Variants in UBE2G1 observed in about 807,000 individuals in gnomAD.
UBE2G1 encodes the protein ubiquitin-conjugating enzyme E2 G1.
A neutral mutation model predicts 22.7 loss-of-function variants in UBE2G1; 5 were observed. That is an observed-to-expected ratio of 0.22 (90% CI 0.12 to 0.46). The LOEUF (loss-of-function observed/expected upper bound fraction) is 0.46, where lower values mean the gene tolerates loss of function less well. Ranked by LOEUF, UBE2G1 falls within the 20% of genes least tolerant of loss-of-function variation. UBE2G1 has a pLI of 0.99. For synonymous variants in UBE2G1, 74 were observed against 67.5 expected, an observed-to-expected ratio of 1.10 and a Z score of -0.47; for missense variants, 88 against 203.9, an observed-to-expected ratio of 0.43 and a Z score of 3.46.
At chr17:4,311,237 A>T (rs1383537153) in intron 1 of UBE2G1, among the ~76,000 whole-genome samples, 1 of 152,172 alleles carries the variant, frequency 6.6e-6, no homozygotes, top group African/African-American at 2.4e-5. Flanking sequence ...AGTTTAAAAA[A>T]TAATTTTTTT....
intron 2 of UBE2G1, among the ~76,000 whole-genome samples, chr17:4,297,063 G>A (rs1321958897): frequency 6.6e-6 from 1 of 152,176 alleles, no homozygotes; most frequent in Non-Finnish European, 1.5e-5. Flanking sequence ...ATTCACACCA[G>A]ATCAGATCAG....
chr17:4,276,971 T>C (rs1968828725), intron 5 of UBE2G1, among the ~76,000 whole-genome samples: 1 of 152,214 alleles, frequency 6.6e-6, no homozygotes, highest in Non-Finnish European at 1.5e-5. Context: ...AGTCACTGAA[T>C]GCAGGTAAGC....
intron 1 of UBE2G1, among the ~76,000 whole-genome samples, chr17:4,325,645 C>A (rs926170601): frequency 1.3e-5 from 2 of 152,152 alleles, no homozygotes; most frequent in African/African-American, 2.4e-5. Context: ...AAAATTCACA[C>A]CCCAAATTGC....
intron 1 of UBE2G1, among the ~76,000 whole-genome samples, chr17:4,329,139 C>T (rs1222460598): frequency 1.4e-5 from 2 of 139,216 alleles, no homozygotes; most frequent in African/African-American, 5.4e-5. Flanking sequence ...AAAGACACTT[C>T]TGTAATCCTA....
intron 5 of UBE2G1, among the ~76,000 whole-genome samples, chr17:4,279,910 C>T (rs952578361): frequency 6.6e-6 from 1 of 150,444 alleles, no homozygotes; most frequent in South Asian, 2.1e-4. Context: ...AAAAAGTAAT[C>T]TAAAAACCTG....
chr17:4,289,505 T>C (rs1429220107), intron 3 of UBE2G1, 97 bp from the exon 4 acceptor site: 6 of 1,305,146 alleles, frequency 4.6e-6, no homozygotes, highest in Non-Finnish European at 6.1e-6. Flanking sequence ...ACAGTACCTT[T>C]ATCAAACATG....
chr17:4,281,346 C>A (rs9913489), intron 5 of UBE2G1, among the ~76,000 whole-genome samples: 83,236 of 152,044 alleles, frequency 0.55, 25,996 homozygotes, highest in East Asian at 0.8. Flanking sequence ...TTTAAACATG[C>A]AAATTTGGTA....
chr17:4,319,132 A>G (rs548719296), intron 1 of UBE2G1, among the ~76,000 whole-genome samples: 20 of 152,336 alleles, frequency 1.3e-4, no homozygotes, highest in Middle Eastern at 3.4e-3. Context: ...GGCATTCCTG[A>G]AGAGATCAGA....
chr17:4,353,193 G>C (rs932133744), intron 1 of UBE2G1, among the ~76,000 whole-genome samples: 2 of 151,978 alleles, frequency 1.3e-5, no homozygotes, highest in Non-Finnish European at 2.9e-5. Flanking sequence ...ACTCCAGCCT[G>C]GGCGACAGAG....
At chr17:4,278,439 G>T (rs1280836836) in intron 5 of UBE2G1, among the ~76,000 whole-genome samples, 7 of 134,474 alleles carry the variant, frequency 5.2e-5, no homozygotes, top group African/African-American at 2.0e-4. Flanking sequence ...ACTTAAAAAA[G>T]AAAAAATAAA....
At chr17:4,357,501 GTGTGTGT>G (rs796476357) in intron 1 of UBE2G1, among the ~76,000 whole-genome samples, 2 of 60,946 alleles carry the variant, frequency 3.3e-5, no homozygotes, top group African/African-American at 1.2e-4. Context: ...TTGTGTGTGT[GTGTGTGT>G]GGGGGGGGGG....
intron 5 of UBE2G1, among the ~76,000 whole-genome samples, chr17:4,278,610 A>G (rs1968848567): frequency 6.6e-6 from 1 of 152,222 alleles, no homozygotes; most frequent in Non-Finnish European, 1.5e-5. Flanking sequence ...TTGTTAGAAC[A>G]CATTAGTGAT....
Position 4,298,403 on chromosome 17 carries a change from A to G in UBE2G1, c.150-1589T>C, listed in dbSNP as rs144863505. ...ATGTCCAGAAACAGGACATCAATACATAACAATAGTTAACTAACAATAGTT... is the reference window on the plus strand; with the variant it reads ...ATGTCCAGAAACAGGACATCAATACGTAACAATAGTTAACTAACAATAGTT... On this transcript the variant is annotated intron_variant, in intron 2 of 5. Transcript: ENST00000396981. Among the ~76,000 whole-genome samples the G allele has an allele frequency of 8.3e-4, 127 of 152,346 alleles. 1 individual carries two copies. Among genetic ancestry groups the G allele is most frequent in the African/African-American group, 2.9e-3 (119 of 41,578 alleles).
At chr17:4,321,578 C>T (rs959328563) in intron 1 of UBE2G1, among the ~76,000 whole-genome samples, 5 of 152,100 alleles carry the variant, frequency 3.3e-5, no homozygotes, top group Non-Finnish European at 7.4e-5. Flanking sequence ...CTGCAACCTC[C>T]GCCTCCTGGG....
intron 1 of UBE2G1, among the ~76,000 whole-genome samples, chr17:4,325,031 C>T (rs1328807379): frequency 3.3e-5 from 5 of 151,816 alleles, no homozygotes; most frequent in African/African-American, 9.7e-5. Flanking sequence ...GAGCCAAGAT[C>T]GCGCCACTGC....
rs1598188083 is a variant in UBE2G1, at chr17:4,306,926, A to G, written c.149+95T>C. The G allele has an allele frequency of 9.1e-6, 10 of 1,101,390 alleles. No homozygotes were observed. In the East Asian group the frequency reaches 2.7e-4, roughly 30 times the overall value. 68.2% of individuals were successfully genotyped at this position (1,101,390 alleles called of 1,614,324 possible). A position where few individuals can be genotyped will look rare whatever the true frequency, so the allele number is the denominator to read the frequency against. ...TGGCCTCCCAAAGTGCTGGGATTAC[A>G]GGTGTGAGCCACCGTGCCCAGCCTG... is the stretch of plus-strand genomic sequence containing the variant. On this transcript the variant is annotated intron_variant, in intron 2 of 5. Coordinates refer to ENST00000396981, the MANE Select transcript of UBE2G1 (RefSeq NM_003342.5).
intron 2 of UBE2G1, chr17:4,301,948 A>G: frequency 8.3e-6 from 4 of 479,816 alleles, no homozygotes; most frequent in South Asian, 6.4e-5. Context: ...TTGGGGGTAT[A>G]AAATGTATTC....
intron 2 of UBE2G1, among the ~76,000 whole-genome samples, chr17:4,304,779 C>CT (rs900253542): frequency 4.6e-5 from 7 of 152,030 alleles, no homozygotes; most frequent in African/African-American, 1.7e-4. Context: ...TATAACACCC[C>CT]TCCCCCCAGC....
intron 5 of UBE2G1, among the ~76,000 whole-genome samples, chr17:4,276,877 A>G (rs183787761): frequency 2.4e-3 from 373 of 152,286 alleles, no homozygotes; most frequent in Admixed American, 2.9e-3. Flanking sequence ...TGTTAGAATG[A>G]CCTTCCCGAG....
Sources: allele counts gnomAD v4.1 joint callset (sites outside exome capture counted in the v4.1 genomes callset), GRCh38; gene constraint gnomAD v4.1.1; transcripts MANE v1.5; gene names NCBI Gene and HGNC (gene_info 2026-07-23, HGNC 2026-07-21).